FLRT1: variants seen among roughly 807,000 people sequenced by gnomAD.
FLRT1 encodes fibronectin leucine rich transmembrane protein 1.
Under a neutral mutation model 30.9 loss-of-function variants are expected in FLRT1, and 14 were observed. That is an observed-to-expected ratio of 0.45 (90% CI 0.30 to 0.71). The LOEUF (loss-of-function observed/expected upper bound fraction) is 0.71. FLRT1 is among the 30% of genes least tolerant of loss of function. FLRT1 has a pLI of 0.08. For synonymous variants in FLRT1, 368 were observed against 430.4 expected, an observed-to-expected ratio of 0.85 and a Z score of 1.80; for missense variants, 737 against 949.2, an observed-to-expected ratio of 0.78 and a Z score of 2.94.
chr11:64,061,816 A>T (rs550231166), intron 1 of FLRT1, among the ~76,000 whole-genome samples: 2 of 147,758 alleles, frequency 1.4e-5, no homozygotes, highest in Non-Finnish European at 3.0e-5. Context: ...CCTTCAAGCC[A>T]TCCTCCCACC....
rs572592071 is a variant in FLRT1 at position 64,104,648 on chromosome 11, C to T, written c.-50+467C>T. ...GAGTCCACAAGTCTATATCAGGGCC[C>T]GCCCCTGTTCTGGCCAGGGGACCCA... On this transcript the variant is annotated intron_variant, in intron 2 of 2. Transcript: ENST00000682287. Among the ~76,000 whole-genome samples, 5 of 152,064 alleles carry T rather than the reference C, an allele frequency of 3.3e-5. No homozygotes were observed. The South Asian group carries it at 1.0e-3, about 32-fold the overall frequency.
chr11:64,116,159 CACT>C, intron 2 of FLRT1, 57 bp from the exon 3 acceptor site: 1 of 1,474,952 alleles, frequency 6.8e-7, no homozygotes, highest in Non-Finnish European at 9.0e-7. Flanking sequence ...ATGCACGATT[CACT>C]CCTGGGGTCG....
chr11:64,059,832 C>A (rs1943863116), intron 1 of FLRT1, among the ~76,000 whole-genome samples: 1 of 152,216 alleles, frequency 6.6e-6, no homozygotes, highest in Non-Finnish European at 1.5e-5. Context: ...CCCGAGAGGC[C>A]CGCCCCTAGG....
intron 1 of FLRT1, among the ~76,000 whole-genome samples, chr11:64,051,419 C>T (rs888222401): frequency 1.2e-4 from 18 of 152,194 alleles, no homozygotes; most frequent in Admixed American, 2.6e-4. Flanking sequence ...TCAGTGGTGA[C>T]AGTGATGGCG....
At chr11:64,060,154 ATATT>A (rs1389599000) in intron 1 of FLRT1, among the ~76,000 whole-genome samples, 4 of 152,264 alleles carry the variant, frequency 2.6e-5, no homozygotes, top group East Asian at 3.8e-4. Flanking sequence ...AAGTGAATGA[ATATT>A]TAAGGCGCGG....
At chr11:64,056,254 C>A (rs1943783143) in intron 1 of FLRT1, among the ~76,000 whole-genome samples, 1 of 152,070 alleles carries the variant, frequency 6.6e-6, no homozygotes. Context: ...ATGGGAGAGG[C>A]TGAGGGAGCT....
At chr11:64,046,202 GC>G (rs1473127329) in intron 1 of FLRT1, among the ~76,000 whole-genome samples, 1 of 152,186 alleles carries the variant, frequency 6.6e-6, no homozygotes, top group Non-Finnish European at 1.5e-5. Context: ...CTCCAGAGCA[GC>G]CGACTCCCAC....
At chr11:64,066,287 A>G (rs1365259094) in intron 1 of FLRT1, among the ~76,000 whole-genome samples, 1 of 124,752 alleles carries the variant, frequency 8.0e-6, no homozygotes, top group Admixed American at 8.4e-5. Flanking sequence ...ACAGAGCGAG[A>G]CTGTCTCAAA....
chr11:64,043,814 C>CTTTT (rs113497225), intron 1 of FLRT1, among the ~76,000 whole-genome samples: 1 of 144,534 alleles, frequency 6.9e-6, no homozygotes, highest in Non-Finnish European at 1.5e-5. Flanking sequence ...GACATGGCAT[C>CTTTT]TTTTTTTTTT....
intron 1 of FLRT1, among the ~76,000 whole-genome samples, chr11:64,078,593 G>T (rs993802318): frequency 1.3e-5 from 2 of 152,176 alleles, no homozygotes; most frequent in Non-Finnish European, 2.9e-5. Context: ...GGTCCCATGG[G>T]GGGTGGCCAC....
At chr11:64,084,703 C>T (rs1018879532) in intron 1 of FLRT1, among the ~76,000 whole-genome samples, 59 of 152,204 alleles carry the variant, frequency 3.9e-4, no homozygotes, top group African/African-American at 1.4e-3. Context: ...GCAGGGCTGT[C>T]CACGTGCCCG....
chr11:64,091,119 G>A (rs1944482394), intron 1 of FLRT1, among the ~76,000 whole-genome samples: 1 of 135,356 alleles, frequency 7.4e-6, no homozygotes, highest in African/African-American at 2.7e-5. Flanking sequence ...AAGGAGGGAA[G>A]AGAGGGTGGG....
intron 1 of FLRT1, among the ~76,000 whole-genome samples, chr11:64,075,913 A>T (rs1454654281): frequency 6.6e-6 from 1 of 152,138 alleles, no homozygotes; most frequent in Non-Finnish European, 1.5e-5. Flanking sequence ...ACCTCAAGTG[A>T]TCCACCCGCC....
intron 1 of FLRT1, among the ~76,000 whole-genome samples, chr11:64,069,049 TGGCAGGTGGGGGTGGGGCAGGATGGG>T (rs1407793834): frequency 1.4e-5 from 2 of 144,476 alleles, no homozygotes; most frequent in East Asian, 4.1e-4. Context: ...CCGGGGGCAG[TGGCAGGTGGGGGTGGGGCAGGATGGG>T]GGCAGGAGAA....
chr11:64,042,407 G>A (rs1943505174), intron 1 of FLRT1, among the ~76,000 whole-genome samples: 1 of 152,200 alleles, frequency 6.6e-6, no homozygotes, highest in Non-Finnish European at 1.5e-5. Flanking sequence ...CCCCTCTCTG[G>A]GGAATGGGGG....
chr11:64,107,614 T>C (rs1213785133), intron 2 of FLRT1, among the ~76,000 whole-genome samples: 10 of 152,196 alleles, frequency 6.6e-5, no homozygotes, highest in Non-Finnish European at 1.5e-4. Flanking sequence ...TAATTAACTT[T>C]AGGTTTTAAA....
intron 1 of FLRT1, among the ~76,000 whole-genome samples, chr11:64,086,384 C>A (rs1044045954): frequency 1.3e-5 from 2 of 152,044 alleles, no homozygotes; most frequent in Non-Finnish European, 2.9e-5. Context: ...TTGTGACTAC[C>A]CCCGAGCTCA....
At chr11:64,052,257 G>A (rs986962581) in intron 1 of FLRT1, among the ~76,000 whole-genome samples, 1 of 151,942 alleles carries the variant, frequency 6.6e-6, no homozygotes, top group South Asian at 2.1e-4. Context: ...TCGGGGTGGG[G>A]GAAAAAAAAC....
At chr11:64,104,497 G>T (rs1007644424) in intron 2 of FLRT1, among the ~76,000 whole-genome samples, 5 of 152,134 alleles carry the variant, frequency 3.3e-5, no homozygotes, top group Non-Finnish European at 7.3e-5. Flanking sequence ...CTGCAGCAGG[G>T]TGGAGGAATC....
Sources: gnomAD v4.1 joint callset for allele counts (sites outside exome capture counted in the v4.1 genomes callset) on GRCh38, gnomAD v4.1.1 for gene constraint, MANE v1.5 for transcripts, NCBI Gene and HGNC (gene_info 2026-07-23, HGNC 2026-07-21) for gene names.